Variants in EIF2S2 observed in about 807,000 individuals in gnomAD.
The protein encoded by EIF2S2 is eukaryotic translation initiation factor 2 subunit beta.
EIF2S2 carries 4 observed loss-of-function variants against 44.0 expected under a neutral mutation model. The ratio of observed to expected loss-of-function variants is 0.09; its 90% CI spans 0.04 to 0.21. EIF2S2 has a LOEUF of 0.21. EIF2S2 is among the 10% of genes least tolerant of loss of function. The pLI, the probability that EIF2S2 is intolerant of heterozygous loss-of-function variation, is 1.00. For synonymous variants in EIF2S2, 108 were observed against 128.3 expected (o/e 0.84, Z 1.07); for missense variants, 154 against 392.0 (o/e 0.39, Z 5.13).
chr20:34,103,864 G>A (rs1336221136), intron 2 of EIF2S2, among the ~76,000 whole-genome samples: 1 of 152,072 alleles, frequency 6.6e-6, no homozygotes, highest in Non-Finnish European at 1.5e-5. Flanking sequence ...GTGCCACCAT[G>A]CCCAGCAAAT....
rs1254196735 is a variant in EIF2S2, at chr20:34,112,133, G to A, written c.-23C>T. ...CATGGCTGCGGCTCGAGTGGGCTCG[G>A]CACGGACGGGAAGTCAGACGGGTCA... On this transcript the variant is annotated 5_prime_UTR_variant, in exon 1 of 9. Transcript: ENST00000374980. 2 of 1,542,368 alleles carry A rather than the reference G, an allele frequency of 1.3e-6. No individual in the cohort carries two copies. The highest frequency in any genetic ancestry group is 2.0e-5 in the Admixed American group (1 of 50,580).
chr20:34,089,665 C>T lies in EIF2S2; in HGVS notation c.*65G>A. 5.8e-6 allele frequency: 9 copies of T among 1,549,118 alleles called. No individual in the cohort carries two copies. Among genetic ancestry groups the T allele is most frequent in the Non-Finnish European group, 7.9e-6 (9 of 1,145,768 alleles). On this transcript the variant is annotated 3_prime_UTR_variant, in exon 9 of 9. Coordinates refer to ENST00000374980, the MANE Select transcript of EIF2S2 (RefSeq NM_003908.5). Reference sequence around the variant, plus strand: ...TGTTTTTAATACAACGGTATATCCACTCTGATGGCAAACCTGTCCAGCCAC... The same window carrying T: ...TGTTTTTAATACAACGGTATATCCATTCTGATGGCAAACCTGTCCAGCCAC...
intron 3 of EIF2S2, among the ~76,000 whole-genome samples, chr20:34,102,591 G>A (rs2034306712): frequency 6.6e-6 from 1 of 152,056 alleles, no homozygotes; most frequent in African/African-American, 2.4e-5. Context: ...GCTACATGTG[G>A]GATGTACTTT....
chr20:34,092,307 G>A (rs1472140036), intron 7 of EIF2S2, among the ~76,000 whole-genome samples: 1 of 152,140 alleles, frequency 6.6e-6, no homozygotes, highest in Non-Finnish European at 1.5e-5. Flanking sequence ...TCTAACAATA[G>A]AAAAAACAAT....
At chr20:34,111,759 G>A (rs2034415513) in intron 1 of EIF2S2, among the ~76,000 whole-genome samples, 1 of 152,248 alleles carries the variant, frequency 6.6e-6, no homozygotes, top group African/African-American at 2.4e-5. Flanking sequence ...GTGCCCAGCA[G>A]AAAGGAATGC....
chr20:34,100,091 T>C (rs758418435), intron 3 of EIF2S2, among the ~76,000 whole-genome samples: 14 of 152,198 alleles, frequency 9.2e-5, no homozygotes, highest in Admixed American at 2.6e-4. Flanking sequence ...CTCGGCTCAC[T>C]GCAACCTCCG....
At chr20:34,089,964 T>C (rs1216374511) in intron 8 of EIF2S2, 59 bp from the exon 9 acceptor site, 7 of 1,585,920 alleles carry the variant, frequency 4.4e-6, no homozygotes, top group Non-Finnish European at 6.0e-6. Context: ...GAGAAGTTTC[T>C]GCCTTCTTAA....
At chr20:34,105,011 T>C (rs1194073986) in intron 2 of EIF2S2, among the ~76,000 whole-genome samples, 3 of 152,204 alleles carry the variant, frequency 2.0e-5, no homozygotes, top group African/African-American at 7.2e-5. Context: ...TAATCTCTCA[T>C]ATACATTTTC....
chr20:34,095,724 A>G (rs1436862817), intron 6 of EIF2S2, among the ~76,000 whole-genome samples: 1 of 152,222 alleles, frequency 6.6e-6, no homozygotes, highest in Non-Finnish European at 1.5e-5. Flanking sequence ...ATTAGCCAAA[A>G]AAATCTAAAC....
intron 6 of EIF2S2, among the ~76,000 whole-genome samples, chr20:34,094,313 C>T (rs2034202523): frequency 6.6e-6 from 1 of 152,126 alleles, no homozygotes; most frequent in African/African-American, 2.4e-5. Context: ...ACAACTTCCT[C>T]TGGGAAGGAA....
At chr20:34,101,515 T>C (rs763127135) in intron 3 of EIF2S2, among the ~76,000 whole-genome samples, 5 of 152,080 alleles carry the variant, frequency 3.3e-5, no homozygotes, top group Non-Finnish European at 7.4e-5. Flanking sequence ...ACTCACCTAG[T>C]CTCTAAGTCA....
intron 7 of EIF2S2, among the ~76,000 whole-genome samples, chr20:34,091,848 C>T (rs532766250): frequency 4.9e-4 from 71 of 144,782 alleles, no homozygotes; most frequent in Admixed American, 1.6e-3. Context: ...GCGAGAGAGA[C>T]GGACGTCCGA....
intron 1 of EIF2S2, among the ~76,000 whole-genome samples, chr20:34,111,113 A>G (rs1347194432): frequency 6.6e-6 from 1 of 152,242 alleles, no homozygotes; most frequent in Non-Finnish European, 1.5e-5. Flanking sequence ...TCGTCTTCAC[A>G]GCCCTCCATG....
intron 5 of EIF2S2, among the ~76,000 whole-genome samples, chr20:34,097,203 G>A (rs983934135): frequency 2.6e-5 from 4 of 152,214 alleles, no homozygotes; most frequent in Non-Finnish European, 1.5e-5. Context: ...AATTCAGGTG[G>A]GGACAGTGAG....
At chr20:34,104,616 G>A (rs1214340711) in intron 2 of EIF2S2, among the ~76,000 whole-genome samples, 3 of 152,176 alleles carry the variant, frequency 2.0e-5, no homozygotes, top group Admixed American at 6.5e-5. Context: ...CAAGTTATCA[G>A]TGAAATTTTA....
At chr20:34,097,274 G>A in intron 5 of EIF2S2, 142 bp downstream of exon 5, 3 of 704,030 alleles carry the variant, frequency 4.3e-6, no homozygotes, top group Non-Finnish European at 7.1e-6. Flanking sequence ...ACCAGGAATT[G>A]CTGTGCACTG....
Position 34,089,652 on chromosome 20 carries a change from A to C in EIF2S2, c.*78T>G. 1 of 1,483,544 alleles carries C rather than the reference A, an allele frequency of 6.7e-7. No homozygotes were observed. The highest frequency in any genetic ancestry group is 9.0e-7 in the Non-Finnish European group (1 of 1,107,384). The allele number at this position is 1,483,544 out of a possible 1,614,324, so 91.9% of individuals were successfully genotyped here. Reference sequence around the variant, plus strand: ...AGCTTTTTTATCTTGTTTTTAATACAACGGTATATCCACTCTGATGGCAAA... The same window carrying C: ...AGCTTTTTTATCTTGTTTTTAATACCACGGTATATCCACTCTGATGGCAAA... On this transcript the variant is annotated 3_prime_UTR_variant, in exon 9 of 9. Transcript: ENST00000374980.
rs2034121726 is a variant in EIF2S2 at position 34,088,435 on chromosome 20, G to A, written c.*1295C>T. The A allele has an allele frequency of 6.5e-6, 1 of 152,692 alleles. No homozygotes were observed. Among genetic ancestry groups the A allele is most frequent in the Non-Finnish European group, 1.5e-5 (1 of 68,062 alleles). 9.5% of individuals were successfully genotyped at this position (152,692 alleles called of 1,614,324 possible). On this transcript the variant is annotated 3_prime_UTR_variant, in exon 9 of 9. Coordinates refer to ENST00000374980, the MANE Select transcript of EIF2S2 (RefSeq NM_003908.5). The stretch of plus-strand genomic sequence containing the variant: ...AGCAGTTGGGTTCATCGTGGCAGTT[G>A]GTGGCAGTTTCAGCCAGTGTGTGGG...
intron 3 of EIF2S2, among the ~76,000 whole-genome samples, chr20:34,101,962 A>C (rs966226908): frequency 1.3e-5 from 2 of 152,186 alleles, no homozygotes; most frequent in African/African-American, 4.8e-5. Flanking sequence ...GGCATGAGAC[A>C]GCACGTCCAG....
Sources: allele counts gnomAD v4.1 joint callset (sites outside exome capture counted in the v4.1 genomes callset), GRCh38; gene constraint gnomAD v4.1.1; transcripts MANE v1.5; gene names NCBI Gene and HGNC (gene_info 2026-07-23, HGNC 2026-07-21).